Variants in F2R observed in about 807,000 individuals in gnomAD.
F2R encodes proteinase-activated receptor 1.
Under a neutral mutation model 18.3 loss-of-function variants are expected in F2R, and 12 were observed. The ratio of observed to expected loss-of-function variants is 0.66; its 90% CI spans 0.42 to 1.06. The LOEUF (loss-of-function observed/expected upper bound fraction) is 1.06. Ranked by LOEUF, F2R falls within the 50% of genes least tolerant of loss-of-function variation. The probability of loss-of-function intolerance (pLI) is 0.00; values close to 1 mark genes in which losing one functional copy is unlikely to be tolerated. For synonymous variants in F2R, 210 were observed against 219.9 expected (o/e 0.95, Z 0.40); for missense variants, 438 against 530.8 (o/e 0.83, Z 1.72).
intron 1 of F2R, among the ~76,000 whole-genome samples, chr5:76,723,313 T>A (rs998707863): frequency 6.6e-6 from 1 of 152,234 alleles, no homozygotes; most frequent in East Asian, 1.9e-4. Flanking sequence ...AAGTAGGTCA[T>A]GAATCACAAG....
intron 1 of F2R, among the ~76,000 whole-genome samples, chr5:76,717,659 C>T (rs1040975358): frequency 3.9e-5 from 6 of 152,168 alleles, no homozygotes; most frequent in Admixed American, 1.3e-4. Flanking sequence ...GAGAGAACAC[C>T]GAGAACTCCT....
intron 1 of F2R, among the ~76,000 whole-genome samples, chr5:76,731,777 C>A (rs1000009737): frequency 6.6e-6 from 1 of 152,112 alleles, no homozygotes; most frequent in Admixed American, 6.5e-5. Context: ...ATCCACCCAC[C>A]TCGGACTCCC....
At chr5:76,731,283 T>C (rs1413460883) in intron 1 of F2R, among the ~76,000 whole-genome samples, 1 of 152,164 alleles carries the variant, frequency 6.6e-6, no homozygotes, top group East Asian at 1.9e-4. Flanking sequence ...TTGGGAGTCC[T>C]GAATCCCATT....
chr5:76,723,281 GA>G (rs1748500031), intron 1 of F2R, among the ~76,000 whole-genome samples: 1 of 152,184 alleles, frequency 6.6e-6, no homozygotes, highest in South Asian at 2.1e-4. Context: ...CATGCAAAGA[GA>G]AAAAGATGGT....
At chr5:76,724,236 T>G (rs1248614690) in intron 1 of F2R, among the ~76,000 whole-genome samples, 1 of 152,100 alleles carries the variant, frequency 6.6e-6, no homozygotes, top group Non-Finnish European at 1.5e-5. Flanking sequence ...ACCAGCTAAT[T>G]TTTGTATTTA....
chr5:76,719,630 G>C (rs37245), intron 1 of F2R, among the ~76,000 whole-genome samples: 1 of 151,466 alleles, frequency 6.6e-6, no homozygotes, highest in African/African-American at 2.4e-5. Context: ...CCACAGGCCT[G>C]TCTCTCCGAA....
chr5:76,722,595 A>G (rs1046396930), intron 1 of F2R, among the ~76,000 whole-genome samples: 3 of 152,162 alleles, frequency 2.0e-5, no homozygotes, highest in Non-Finnish European at 2.9e-5. Context: ...GCTCCAGGAC[A>G]TGGAATGGGA....
chr5:76,729,299 GTCT>G (rs1233449213), intron 1 of F2R, among the ~76,000 whole-genome samples: 5 of 152,142 alleles, frequency 3.3e-5, no homozygotes, highest in Non-Finnish European at 2.9e-5. Flanking sequence ...CCATTTGTAT[GTCT>G]TCTTTTGAAA....
chr5:76,728,691 T>G (rs1748616114), intron 1 of F2R, among the ~76,000 whole-genome samples: 1 of 143,852 alleles, frequency 7.0e-6, no homozygotes, highest in Non-Finnish European at 1.5e-5. Context: ...TGGTCTTTTT[T>G]TTTTTTTTTT....
chr5:76,717,923 A>T (rs1417492163), intron 1 of F2R, among the ~76,000 whole-genome samples: 1 of 152,122 alleles, frequency 6.6e-6, no homozygotes, highest in Non-Finnish European at 1.5e-5. Flanking sequence ...GGAGTGGTGC[A>T]TGTTAATATG....
intron 1 of F2R, among the ~76,000 whole-genome samples, chr5:76,718,375 A>G (rs1302497551): frequency 6.6e-6 from 1 of 152,240 alleles, no homozygotes. Context: ...ATTGTCTGTC[A>G]TAAGGTAGTG....
Position 76,716,380 on chromosome 5 carries a change from C to T in F2R, c.73C>T (p.Arg25Trp), listed in dbSNP as rs1041633094. 32 of 1,453,988 alleles carry T rather than the reference C, an allele frequency of 2.2e-5. No individual in the cohort carries two copies. Among genetic ancestry groups the T allele is most frequent in the African/African-American group, 2.9e-5 (2 of 68,634 alleles). The allele number at this position is 1,453,988 out of a possible 1,614,324, so 90.1% of individuals were successfully genotyped here. A position where few individuals can be genotyped will look rare whatever the true frequency, so the allele number is the denominator to read the frequency against. Reference protein sequence around the residue: ...LCGPLLSARTRARRPESKATN... With the variant: ...LCGPLLSARTWARRPESKATN... The stretch of plus-strand genomic sequence containing the variant: ...CGGCCCGCTGTTGTCTGCCCGCACC[C>T]GGGCCCGCAGGCCAGGTGAGAGATG... Residue 25 changes from arginine (R) to tryptophan (W), a missense_variant, in exon 1 of 2, where the codon CGG becomes TGG. Arg to Trp is a moderately radical substitution (Grantham distance 101). Transcript: ENST00000319211.
chr5:76,733,345 G>A lies in F2R; in HGVS notation c.1120G>A (p.Ala374Thr), dbSNP rs1175467870. The change falls in exon 2 of 2, where the codon GCT (alanine) becomes ACT (threonine). Residue 374 changes from alanine to threonine, a missense_variant. Physicochemically the swap from Ala to Thr is moderately conservative, Grantham distance 58. Transcript: ENST00000319211. The part of the protein sequence containing the change: ...CCIDPLIYYY[A>T]SSECQRYVYS... ...CATCGACCCCCTAATTTACTATTAC[G>A]CTTCCTCTGAGTGCCAGAGGTACGT... The A allele has an allele frequency of 1.9e-6, 3 of 1,614,062 alleles. No homozygotes were observed. Among genetic ancestry groups the A allele is most frequent in the South Asian group, 1.1e-5 (1 of 91,076 alleles).
intron 1 of F2R, among the ~76,000 whole-genome samples, chr5:76,729,379 G>A (rs1463045624): frequency 6.6e-6 from 1 of 152,112 alleles, no homozygotes; most frequent in Non-Finnish European, 1.5e-5. Flanking sequence ...TTGAGTTATA[G>A]GAGTTCCTTA....
chr5:76,722,942 C>T (rs1748492981), intron 1 of F2R, among the ~76,000 whole-genome samples: 1 of 118,238 alleles, frequency 8.5e-6, no homozygotes, highest in African/African-American at 3.7e-5. Context: ...CAGAGTGAGA[C>T]TCTGTATCAA....
intron 1 of F2R, among the ~76,000 whole-genome samples, chr5:76,731,270 G>T (rs1472627193): frequency 6.6e-6 from 1 of 152,152 alleles, no homozygotes; most frequent in East Asian, 1.9e-4. Context: ...ATTGGCCGTA[G>T]AATTGGGAGT....
Position 76,716,321 on chromosome 5 carries a change from GGCT to G in F2R, c.22_24del (p.Leu8del), listed in dbSNP as rs1367800207. On this transcript the variant is annotated inframe_deletion, in exon 1 of 2. Transcript: ENST00000319211. Reference sequence around the variant, plus strand: ...GAGCCCGGGACAATGGGGCCGCGGCGGCTGCTGCTGGTGGCCGCCTGCTTCAGT... The same window carrying G: ...GAGCCCGGGACAATGGGGCCGCGGCGGCTGCTGGTGGCCGCCTGCTTCAGT... 1.4e-6 allele frequency: 2 copies of G among 1,417,374 alleles called. No individual in the cohort carries two copies. Among genetic ancestry groups the G allele is most frequent in the Non-Finnish European group, 1.8e-6 (2 of 1,088,192 alleles). 87.8% of individuals were successfully genotyped at this position (1,417,374 alleles called of 1,614,324 possible).
intron 1 of F2R, among the ~76,000 whole-genome samples, chr5:76,730,164 C>T (rs893974020): frequency 6.6e-6 from 1 of 151,696 alleles, no homozygotes; most frequent in Admixed American, 6.6e-5. Context: ...GCAGCAGACT[C>T]TTTCTCTCTT....
intron 1 of F2R, among the ~76,000 whole-genome samples, chr5:76,731,080 G>A (rs1002515551): frequency 7.2e-5 from 11 of 152,098 alleles, no homozygotes; most frequent in African/African-American, 1.2e-4. Flanking sequence ...CAAGAACATC[G>A]GCTGCTCTGC....
Sources: gnomAD v4.1 joint callset for allele counts (sites outside exome capture counted in the v4.1 genomes callset) on GRCh38, gnomAD v4.1.1 for gene constraint, MANE v1.5 for transcripts, NCBI Gene and HGNC (gene_info 2026-07-23, HGNC 2026-07-21) for gene names.